The following SORL1 variants were observed in gnomAD, a reference collection of about 807,000 sequenced individuals.
SORL1 encodes the protein sortilin related receptor 1, also known as sortilin-related receptor.
Under a neutral mutation model 273.7 loss-of-function variants are expected in SORL1, and 127 were observed. The observed-to-expected ratio is 0.46, with a 90% CI of 0.40 to 0.54. SORL1 has a LOEUF of 0.54. Among genes scored for constraint, SORL1 ranks in the 20% least tolerant of loss-of-function variants. SORL1 has a pLI of 0.00. For missense variants in SORL1, 2,494 were observed against 2,846.1 expected, an observed-to-expected ratio of 0.88 and a Z score of 2.81; for synonymous variants, 1,031 against 1,067.4, an observed-to-expected ratio of 0.97 and a Z score of 0.66.
In SORL1 at chr11:121,619,772, A is replaced by G. The variant is rs1453784278; in HGVS notation, c.5744A>G (p.Tyr1915Cys). Residue 1915 changes from tyrosine to cysteine, a missense_variant, in exon 43 of 48, where the codon TAC (tyrosine) becomes TGC (cysteine). Transcript: ENST00000260197. ...CTTCAGGTCCGTGTAGTGGTACCCT[A>G]CCAGGGGCCATCCTCTGACTACGTT... is the stretch of plus-strand genomic sequence containing the variant. ...YLFLVRVVVP[Y>C]QGPSSDYVVV... 15 of 1,614,140 alleles carry G rather than the reference A, an allele frequency of 9.3e-6. No homozygotes were observed. Among genetic ancestry groups the G allele is most frequent in the Non-Finnish European group, 1.2e-5 (14 of 1,179,988 alleles).
Position 121,605,458 on chromosome 11 carries a change from C to A in SORL1, c.4835C>A (p.Thr1612Asn). The A allele has an allele frequency of 1.2e-6, 2 of 1,614,034 alleles. No homozygotes were observed. The highest frequency in any genetic ancestry group is 1.1e-5 in the South Asian group (1 of 91,076). ...GAGACCCACAGCAATAAGACAAACA[C>A]TGTATTAAAAGTCTTGAAACCAGAT... ...TLETHSNKTN[T>N]VLKVLKPDTT... The change falls in exon 35 of 48, where the codon ACT (threonine) becomes AAT (asparagine). Residue 1612 changes from threonine to asparagine, a missense_variant. Around this residue, in one of 3 missense-constraint regions of SORL1, gnomAD observed 1,609 missense variants for 1,816.4 expected, o/e 0.89. Coordinates refer to ENST00000260197, the MANE Select transcript of SORL1 (RefSeq NM_003105.6).
At chr11:121,534,184 AC>A (rs1187147886) in intron 12 of SORL1, among the ~76,000 whole-genome samples, 3 of 152,204 alleles carry the variant, frequency 2.0e-5, no homozygotes, top group African/African-American at 7.2e-5. Context: ...TCCTAGGAAT[AC>A]ATTTCATTCT....
At chr11:121,559,398 C>T in intron 20 of SORL1, 121 bp from the exon 21 acceptor site, 2 of 998,096 alleles carry the variant, frequency 2.0e-6, no homozygotes, top group Non-Finnish European at 1.5e-6. Context: ...GAATCTTGAT[C>T]AGGCTAGTCA....
At chr11:121,522,887 T>G (rs375003535) in intron 10 of SORL1, 29 bp from the exon 11 acceptor site, 46 of 1,587,790 alleles carry the variant, frequency 2.9e-5, no homozygotes, top group Non-Finnish European at 3.7e-5. Context: ...TTCTTGAAAT[T>G]AAAAATAATT....
intron 3 of SORL1, among the ~76,000 whole-genome samples, chr11:121,479,391 C>G (rs1861337901): frequency 6.6e-6 from 1 of 152,182 alleles, no homozygotes; most frequent in African/African-American, 2.4e-5. Flanking sequence ...GAGAAACATT[C>G]TAGTAGCAAA....
chr11:121,594,377 T>A (rs1057130762), intron 31 of SORL1, among the ~76,000 whole-genome samples: 1 of 152,164 alleles, frequency 6.6e-6, no homozygotes, highest in Non-Finnish European at 1.5e-5. Flanking sequence ...ATATATTGTC[T>A]CCTGATCTGG....
chr11:121,533,528 T>C (rs1036769189), intron 12 of SORL1, among the ~76,000 whole-genome samples: 4 of 152,236 alleles, frequency 2.6e-5, no homozygotes, highest in Non-Finnish European at 5.9e-5. Flanking sequence ...GAATGGTTCA[T>C]GTTAGGTCAA....
intron 8 of SORL1, among the ~76,000 whole-genome samples, chr11:121,518,878 C>T (rs1307723704): frequency 1.3e-5 from 2 of 151,874 alleles, no homozygotes; most frequent in Admixed American, 1.3e-4. Context: ...GACAGCGTTT[C>T]TCGGCTTTAT....
At chr11:121,590,852 T>G in intron 30 of SORL1, 149 bp from the exon 31 acceptor site, 1 of 836,968 alleles carries the variant, frequency 1.2e-6, no homozygotes, top group South Asian at 1.3e-5. Flanking sequence ...GATTTCTAGA[T>G]TAGCCGCTGC....
chr11:121,461,653 G>A (rs538416382), intron 1 of SORL1, among the ~76,000 whole-genome samples: 1 of 152,230 alleles, frequency 6.6e-6, no homozygotes, highest in Non-Finnish European at 1.5e-5. Context: ...CCTCTGGGCT[G>A]GAGCCTTGGG....
Position 121,611,014 on chromosome 11 carries a change from A to C in SORL1, c.5240-62A>C. The C allele has an allele frequency of 2.7e-6, 3 of 1,127,626 alleles. No homozygotes were observed. The South Asian group carries it at 3.7e-5, about 14-fold the overall frequency. 69.9% of individuals were successfully genotyped at this position (1,127,626 alleles called of 1,614,324 possible). A position where few individuals can be genotyped will look rare whatever the true frequency, so the allele number is the denominator to read the frequency against. On this transcript the variant is annotated intron_variant, in intron 38 of 47. Coordinates refer to ENST00000260197, the MANE Select transcript of SORL1 (RefSeq NM_003105.6). ...TTGTCCGTTGAGTTGAAAACTATTA[A>C]GTCCTGCCTTCCTCACTTTTCATCA...
chr11:121,516,462 G>C (rs941934046), intron 8 of SORL1, among the ~76,000 whole-genome samples: 5 of 152,130 alleles, frequency 3.3e-5, no homozygotes, highest in Non-Finnish European at 5.9e-5. Flanking sequence ...GGCAATATTG[G>C]GGGGAGATCA....
At chr11:121,608,289 C>G (rs1863509306) in intron 38 of SORL1, 113 bp downstream of exon 38, 2 of 857,320 alleles carry the variant, frequency 2.3e-6, no homozygotes, top group Non-Finnish European at 3.7e-6. Context: ...CATCACACAA[C>G]TTTCTTCTCC....
chr11:121,519,284 A>G (rs1862000503), intron 8 of SORL1, among the ~76,000 whole-genome samples: 2 of 152,196 alleles, frequency 1.3e-5, no homozygotes, highest in Admixed American at 6.5e-5. Context: ...AACCCTGGTT[A>G]CAATTTCTCA....
intron 16 of SORL1, 64 bp from the exon 17 acceptor site, chr11:121,553,873 A>C: frequency 1.3e-6 from 2 of 1,484,990 alleles, no homozygotes; most frequent in East Asian, 4.5e-5. Context: ...AATAGGTCAG[A>C]TGTGCTAGGA....
Position 121,523,001 on chromosome 11 carries a change from C to T in SORL1, c.1596+12C>T, listed in dbSNP as rs749675000. 1.3e-6 allele frequency: 2 copies of T among 1,573,052 alleles called. No individual in the cohort carries two copies. The highest frequency in any genetic ancestry group is 1.7e-5 in the Admixed American group (1 of 59,966). ...CCAGGTGGCGAGAGGTCAGCCCCCT[C>T]CCCCAATCCCGTCCCCTCCACCCTC... On this transcript the variant is annotated intron_variant, in intron 11 of 47. Coordinates refer to ENST00000260197, the MANE Select transcript of SORL1 (RefSeq NM_003105.6).
intron 2 of SORL1, 76 bp downstream of exon 2, chr11:121,470,199 CT>C (rs1274108574): frequency 4.3e-6 from 4 of 927,216 alleles, no homozygotes; most frequent in Non-Finnish European, 5.4e-6. Context: ...GATTATCATA[CT>C]GGAAAAAGTA....
intron 23 of SORL1, among the ~76,000 whole-genome samples, chr11:121,572,586 T>C (rs1418387181): frequency 6.6e-6 from 1 of 152,016 alleles, no homozygotes; most frequent in African/African-American, 2.4e-5. Context: ...GGAGGTTGCG[T>C]GTGGAGGAGA....
intron 12 of SORL1, among the ~76,000 whole-genome samples, chr11:121,536,790 A>C (rs368874734): frequency 2.9e-3 from 439 of 152,244 alleles, no homozygotes; most frequent in African/African-American, 0.01. Flanking sequence ...GCGTTTATGA[A>C]TAATGCCCTT....
Sources: gnomAD v4.1 joint callset for allele counts (sites outside exome capture counted in the v4.1 genomes callset) on GRCh38, gnomAD v4.1.1 for gene constraint, gnomAD v4.1.1 regional missense constraint, MANE v1.5 for transcripts, NCBI Gene and HGNC (gene_info 2026-07-23, HGNC 2026-07-21) for gene names.